Variants in GRIK5 observed in about 807,000 individuals in gnomAD.
GRIK5 encodes the protein glutamate ionotropic receptor kainate type subunit 5, also known as glutamate receptor ionotropic, kainate 5.
Under a neutral mutation model 97.4 loss-of-function variants are expected in GRIK5, and 43 were observed. The observed-to-expected ratio is 0.44, with a 90% CI of 0.35 to 0.57. The LOEUF (loss-of-function observed/expected upper bound fraction) is 0.57, where lower values mean the gene tolerates loss of function less well. GRIK5 is among the 20% of genes least tolerant of loss of function. The pLI is 0.01. For synonymous variants in GRIK5, 580 were observed against 583.5 expected (o/e 0.99, Z 0.09); for missense variants, 1,015 against 1,382.0 (o/e 0.73, Z 4.21).
At position 42,068,807 on chromosome 19, in the gene GRIK5, A is replaced by G. The variant is rs181030925; in HGVS notation, c.-51+434T>C. On this transcript the variant is annotated intron_variant, in intron 1 of 19. Coordinates refer to ENST00000593562, the MANE Select transcript of GRIK5 (RefSeq NM_002088.5). ...CAGGAAATGGGGGCTCAAAAGCGGA[A>G]AGACATATCCAGGAGATAGAGACTG... 3.6e-5 allele frequency: 22 copies of G among 603,404 alleles called. 1 individual carries two copies. In the East Asian group the frequency reaches 6.6e-4, roughly 18 times the overall value. 37.4% of individuals were successfully genotyped at this position (603,404 alleles called of 1,614,324 possible). A position where few individuals can be genotyped will look rare whatever the true frequency, so the allele number is the denominator to read the frequency against.
At chr19:42,046,825 C>T (rs757307112) in intron 11 of GRIK5, among the ~76,000 whole-genome samples, 7 of 152,128 alleles carry the variant, frequency 4.6e-5, no homozygotes, top group Non-Finnish European at 1.0e-4. Flanking sequence ...CACTCCTCAC[C>T]TGCCTTGTAC....
chr19:42,040,295 C>T (rs1348952400), intron 12 of GRIK5, among the ~76,000 whole-genome samples: 1 of 152,206 alleles, frequency 6.6e-6, no homozygotes, highest in Non-Finnish European at 1.5e-5. Flanking sequence ...AAAGGTCAGA[C>T]AGCTGTAAAT....
In GRIK5 at chr19:42,022,076, G is replaced by A. The variant is rs1349420831; in HGVS notation, c.1588-20C>T. ...GCGGCCCTGTGGGGAGAGGGAGTGA[G>A]ACCCGGAGACACCCCTGGCCTGAGC... On this transcript the variant is annotated intron_variant, in intron 13 of 19. Coordinates refer to ENST00000593562, the MANE Select transcript of GRIK5 (RefSeq NM_002088.5). The surrounding 1 kb of genome is among the most constrained non-coding windows in gnomAD (Gnocchi z 4.2). The A allele has an allele frequency of 2.6e-6, 4 of 1,557,008 alleles. No homozygotes were observed. Among genetic ancestry groups the A allele is most frequent in the Non-Finnish European group, 3.5e-6 (4 of 1,132,228 alleles).
At chr19:42,017,376 C>T (rs749990705) in intron 15 of GRIK5, among the ~76,000 whole-genome samples, 1 of 152,124 alleles carries the variant, frequency 6.6e-6, no homozygotes, top group Non-Finnish European at 1.5e-5. Flanking sequence ...TGCTTTTTCC[C>T]CTTCATATTG....
In GRIK5 at chr19:42,070,063, T is replaced by A. The variant is rs1466180321; in HGVS notation, c.-873A>T. On this transcript the variant is annotated 5_prime_UTR_variant, in exon 1 of 20. Coordinates refer to ENST00000593562, the MANE Select transcript of GRIK5 (RefSeq NM_002088.5). Reference sequence around the variant, plus strand: ...GCCTGGCGACACACTCCTGGTCCCCTGTGAGGAGCCGGCTCCAGTCCCCGG... The same window carrying A: ...GCCTGGCGACACACTCCTGGTCCCCAGTGAGGAGCCGGCTCCAGTCCCCGG... 6.6e-6 allele frequency among the ~76,000 whole-genome samples: 1 copy of A among 151,958 alleles called. No individual in the cohort carries two copies. The highest frequency in any genetic ancestry group is 1.5e-5 in the Non-Finnish European group (1 of 67,956).
At position 42,003,475 on chromosome 19, in the gene GRIK5, G is replaced by A; in HGVS notation, c.2393-22C>T. On this transcript the variant is annotated intron_variant, in intron 18 of 19. Coordinates refer to ENST00000593562, the MANE Select transcript of GRIK5 (RefSeq NM_002088.5). This position sits in a 1 kb window ranked among gnomAD's most constrained non-coding sequence, Gnocchi z 4.2. ...AAACCTGGAGGGCGAAGGGAGTTGG[G>A]GGGCAAAGGGAGTTGGGGCTGTGTG... The A allele has an allele frequency of 9.9e-6, 16 of 1,613,442 alleles. No homozygotes were observed. The highest frequency in any genetic ancestry group is 1.4e-5 in the Non-Finnish European group (16 of 1,179,518).
At chr19:42,016,795 A>C (rs921445949) in intron 15 of GRIK5, among the ~76,000 whole-genome samples, 1 of 152,104 alleles carries the variant, frequency 6.6e-6, no homozygotes. Flanking sequence ...CAGGGAGGGC[A>C]CCCTGGGAGG....
chr19:42,038,103 C>A (rs1029835745), intron 12 of GRIK5, among the ~76,000 whole-genome samples: 1 of 152,172 alleles, frequency 6.6e-6, no homozygotes, highest in African/African-American at 2.4e-5. Context: ...TTAAAGCATA[C>A]AAGTGACAGA....
chr19:42,055,874 G>A (rs1444721639), intron 8 of GRIK5, among the ~76,000 whole-genome samples: 1 of 152,152 alleles, frequency 6.6e-6, no homozygotes, highest in Non-Finnish European at 1.5e-5. Context: ...GTAGAAACAG[G>A]ATTTTGCCAT....
At chr19:42,001,635 C>A (rs2075424293) in intron 19 of GRIK5, among the ~76,000 whole-genome samples, 1 of 152,168 alleles carries the variant, frequency 6.6e-6, no homozygotes, top group Admixed American at 6.5e-5. Flanking sequence ...TAGAACGGAA[C>A]CCTCCACCCT....
intron 11 of GRIK5, among the ~76,000 whole-genome samples, chr19:42,053,045 T>G (rs1308048101): frequency 6.6e-6 from 1 of 152,162 alleles, no homozygotes; most frequent in Non-Finnish European, 1.5e-5. Flanking sequence ...CCCCTCTGCC[T>G]CTGATTTGGT....
chr19:42,057,070 G>A, intron 6 of GRIK5, 92 bp from the exon 7 acceptor site: 1 of 936,844 alleles, frequency 1.1e-6, no homozygotes, highest in Non-Finnish European at 1.7e-6. Flanking sequence ...GAGATTTAGA[G>A]ACAGCCCTGG....
At chr19:42,068,523 G>C in intron 1 of GRIK5, 1 of 392,394 alleles carries the variant, frequency 2.5e-6, no homozygotes, top group African/African-American at 2.1e-5. Context: ...GAGTGGATCT[G>C]GGGGAAAGAG....
chr19:42,030,220 C>T (rs928289052), intron 12 of GRIK5, among the ~76,000 whole-genome samples: 1 of 152,102 alleles, frequency 6.6e-6, no homozygotes, highest in Non-Finnish European at 1.5e-5. Flanking sequence ...GTCTCGCTGT[C>T]GCCCAGGCTG....
chr19:42,017,403 T>C (rs1203123069), intron 15 of GRIK5, among the ~76,000 whole-genome samples: 2 of 152,242 alleles, frequency 1.3e-5, no homozygotes, highest in African/African-American at 4.8e-5. Flanking sequence ...TGGCGTTAAA[T>C]TGATTTTTTA....
Position 42,022,013 on chromosome 19 carries a change from G to A in GRIK5, c.1631C>T (p.Pro544Leu). The A allele has an allele frequency of 6.2e-7, 1 of 1,613,998 alleles. No homozygotes were observed. Among genetic ancestry groups the A allele is most frequent in the Admixed American group, 1.7e-5 (1 of 60,004 alleles). The change falls in exon 14 of 20, where the codon CCT (proline) becomes CTT (leucine). Residue 544 changes from proline (P) to leucine (L), a missense_variant. Coordinates refer to ENST00000593562, the MANE Select transcript of GRIK5 (RefSeq NM_002088.5). The surrounding 1 kb of genome is among the most constrained non-coding windows in gnomAD (Gnocchi z 4.2). Reference sequence around the variant, plus strand: ...AAGAAGCATGAAGAGCCACACAGCAGGGGAGAAGGGGTCCAGGAAGGAGAA... The same window carrying A: ...AAGAAGCATGAAGAGCCACACAGCAAGGGAGAAGGGGTCCAGGAAGGAGAA... Reference protein sequence around the residue: ...GYFSFLDPFSPAVWLFMLLAY... With the variant: ...GYFSFLDPFSLAVWLFMLLAY...
intron 8 of GRIK5, among the ~76,000 whole-genome samples, 161 bp from the exon 9 acceptor site, chr19:42,054,633 T>C (rs2076159740): frequency 6.6e-6 from 1 of 152,080 alleles, no homozygotes; most frequent in Non-Finnish European, 1.5e-5. Flanking sequence ...CTCTGGTGTC[T>C]TTCTTGGGAA....
rs374155103 is a variant in GRIK5, at chr19:42,062,481, C to A, written c.508+7G>T. On this transcript the variant is annotated splice_region_variant and intron_variant, in intron 5 of 19. Transcript: ENST00000593562. The surrounding 1 kb of genome is among the most constrained non-coding windows in gnomAD (Gnocchi z 5.3). ...AACAGAAAACAAAACATTCAGTTCT[C>A]CCTCACACTCAGCCTTGGCGCAGAT... 6.2e-7 allele frequency: 1 copy of A among 1,613,934 alleles called. No homozygotes were observed. The highest frequency in any genetic ancestry group is 8.5e-7 in the Non-Finnish European group (1 of 1,179,912).
chr19:42,009,767 CAA>C (rs1171061442), intron 15 of GRIK5, among the ~76,000 whole-genome samples: 33 of 63,144 alleles, frequency 5.2e-4, no homozygotes, highest in Non-Finnish European at 5.2e-4. Context: ...GACTTTGTCT[CAA>C]AAAAAAAAAA....
Sources: allele counts gnomAD v4.1 joint callset (sites outside exome capture counted in the v4.1 genomes callset), GRCh38; gene constraint gnomAD v4.1.1; non-coding constraint Gnocchi (gnomAD v3.1); transcripts MANE v1.5; gene names NCBI Gene and HGNC (gene_info 2026-07-23, HGNC 2026-07-21).